SBF2: variants seen among roughly 807,000 people sequenced by gnomAD.
SBF2 encodes myotubularin-related protein 13.
SBF2 carries 112 observed loss-of-function variants against 225.2 expected under a neutral mutation model. The ratio of observed to expected loss-of-function variants is 0.50; its 90% confidence interval spans 0.43 to 0.58. The LOEUF is 0.58. Ranked by LOEUF, SBF2 falls within the 20% of genes least tolerant of loss-of-function variation. The pLI is 0.00. For synonymous variants in SBF2, 763 were observed against 773.3 expected (o/e 0.99, Z 0.22); for missense variants, 1,996 against 2,206.2 (o/e 0.90, Z 1.91).
chr11:9,807,882 C>A, intron 32 of SBF2, 118 bp downstream of exon 32: 1 of 919,130 alleles, frequency 1.1e-6, no homozygotes, highest in African/African-American at 1.6e-5. Context: ...TGTCCTGTGG[C>A]TGAGTTAATC....
chr11:9,991,740 T>C (rs896607498), intron 12 of SBF2, among the ~76,000 whole-genome samples: 13 of 152,188 alleles, frequency 8.5e-5, no homozygotes, highest in African/African-American at 3.1e-4. Context: ...TTTCTCCCTT[T>C]ATATGGCTAA....
At chr11:10,214,887 C>T (rs1388699463) in intron 1 of SBF2, among the ~76,000 whole-genome samples, 1 of 152,104 alleles carries the variant, frequency 6.6e-6, no homozygotes, top group Non-Finnish European at 1.5e-5. Flanking sequence ...AAAAAGGGGG[C>T]TTAAGATAAG....
chr11:10,248,885 G>A (rs576230997), intron 1 of SBF2, among the ~76,000 whole-genome samples: 12 of 152,314 alleles, frequency 7.9e-5, no homozygotes, highest in South Asian at 4.1e-4. Flanking sequence ...CACAAGGTCA[G>A]GAGATTGAGA....
chr11:9,805,662 TC>T (rs1349326861), intron 32 of SBF2, among the ~76,000 whole-genome samples: 1 of 152,072 alleles, frequency 6.6e-6, no homozygotes, highest in African/African-American at 2.4e-5. Flanking sequence ...TCGCTCTGTC[TC>T]CCAGGCTGCA....
At chr11:10,019,241 C>T (rs1948756230) in intron 6 of SBF2, among the ~76,000 whole-genome samples, 1 of 152,152 alleles carries the variant, frequency 6.6e-6, no homozygotes, top group African/African-American at 2.4e-5. Context: ...CTTATAGACT[C>T]CCATGCCATT....
At chr11:9,968,292 T>C (rs1443684575) in intron 14 of SBF2, 49 bp downstream of exon 14, 1 of 1,552,892 alleles carries the variant, frequency 6.4e-7, no homozygotes, top group East Asian at 2.2e-5. Flanking sequence ...TTTTGGGTCT[T>C]ACATCCTTAT....
At chr11:10,234,539 A>T (rs763850370) in intron 1 of SBF2, among the ~76,000 whole-genome samples, 1 of 152,144 alleles carries the variant, frequency 6.6e-6, no homozygotes, top group Non-Finnish European at 1.5e-5. Flanking sequence ...ATTTTTCCAA[A>T]GTCAAATTTT....
At chr11:9,794,559 G>A (rs1319799446) in intron 33 of SBF2, among the ~76,000 whole-genome samples, 1 of 151,512 alleles carries the variant, frequency 6.6e-6, no homozygotes, top group African/African-American at 2.4e-5. Context: ...CAGCTACTAG[G>A]GAGGCTGAGG....
intron 17 of SBF2, among the ~76,000 whole-genome samples, chr11:9,886,520 A>T (rs1354133411): frequency 6.9e-6 from 1 of 144,570 alleles, no homozygotes; most frequent in Admixed American, 7.1e-5. Context: ...TAGAAGTCCA[A>T]GCTACGGGTA....
Position 9,856,576 on chromosome 11 carries a change from G to C in SBF2, c.2245C>G (p.His749Asp), listed in dbSNP as rs912815113. The C allele has an allele frequency of 1.9e-6, 3 of 1,614,014 alleles. No homozygotes were observed. Among genetic ancestry groups the C allele is most frequent in the Non-Finnish European group, 2.5e-6 (3 of 1,180,044 alleles). Reference sequence around the variant, plus strand: ...AGGTTCACCATGAGGTTTGCAAAGTGAATGGCCTGACTAAAGACAGTGCTT... The same window carrying C: ...AGGTTCACCATGAGGTTTGCAAAGTCAATGGCCTGACTAAAGACAGTGCTT... The part of the protein sequence containing the change: ...EESTVFSQAI[H>D]FANLMVNLLV... The change falls in exon 19 of 40, where the codon CAC (histidine) becomes GAC (aspartate). Residue 749 changes from histidine (H) to aspartate (D), a missense_variant. Transcript: ENST00000256190.
chr11:10,132,830 G>A (rs943366340), intron 2 of SBF2, among the ~76,000 whole-genome samples: 1 of 148,912 alleles, frequency 6.7e-6, no homozygotes, highest in African/African-American at 2.5e-5. Context: ...TTGTCAGGGC[G>A]CTGATTGGTG....
intron 1 of SBF2, among the ~76,000 whole-genome samples, chr11:10,200,749 A>G (rs1452375333): frequency 5.9e-5 from 9 of 152,216 alleles, no homozygotes; most frequent in Admixed American, 5.9e-4. Context: ...TTAAATTAAC[A>G]GTCTGATATA....
At chr11:10,003,716 C>T (rs1046946596) in intron 6 of SBF2, among the ~76,000 whole-genome samples, 1 of 151,876 alleles carries the variant, frequency 6.6e-6, no homozygotes, top group Non-Finnish European at 1.5e-5. Context: ...TCAATTTCTC[C>T]TGTCTCTTCT....
intron 30 of SBF2, chr11:9,810,680 G>GA (rs1407889082): frequency 2.0e-5 from 3 of 152,182 alleles, no homozygotes; most frequent in Non-Finnish European, 4.4e-5. Context: ...TTTGTTCTAA[G>GA]AAATGGCTAT....
intron 4 of SBF2, 69 bp from the exon 5 acceptor site, chr11:10,029,944 G>T: frequency 9.8e-7 from 1 of 1,023,256 alleles, no homozygotes; most frequent in Non-Finnish European, 1.5e-6. Flanking sequence ...TATGACATCT[G>T]CTCTAGGACG....
intron 17 of SBF2, among the ~76,000 whole-genome samples, chr11:9,859,667 A>G (rs1437299597): frequency 4.6e-5 from 7 of 152,204 alleles, no homozygotes; most frequent in Non-Finnish European, 1.0e-4. Context: ...AGGTTATATA[A>G]CTGTTACACA....
intron 1 of SBF2, among the ~76,000 whole-genome samples, chr11:10,229,146 T>G (rs1958711357): frequency 6.6e-6 from 1 of 152,194 alleles, no homozygotes; most frequent in East Asian, 1.9e-4. Context: ...TGTATTTCTG[T>G]GGGATAGGTG....
intron 2 of SBF2, among the ~76,000 whole-genome samples, chr11:10,055,817 A>AT (rs977368964): frequency 6.6e-6 from 1 of 152,134 alleles, no homozygotes; most frequent in African/African-American, 2.4e-5. Context: ...AAAACTACCT[A>AT]TTGGGTACAT....
At chr11:9,943,350 T>C (rs1238495595) in intron 16 of SBF2, among the ~76,000 whole-genome samples, 1 of 152,144 alleles carries the variant, frequency 6.6e-6, no homozygotes, top group Non-Finnish European at 1.5e-5. Context: ...ACACAAAAAG[T>C]GTCAAAACAT....
Sources: gnomAD v4.1 joint callset for allele counts (sites outside exome capture counted in the v4.1 genomes callset) on GRCh38, gnomAD v4.1.1 for gene constraint, MANE v1.5 for transcripts, NCBI Gene and HGNC (gene_info 2026-07-23, HGNC 2026-07-21) for gene names.